MYO1B: variants seen among roughly 807,000 people sequenced by gnomAD.
MYO1B encodes the protein unconventional myosin-Ib.
MYO1B carries 72 observed loss-of-function variants against 159.7 expected under a neutral mutation model. The observed-to-expected ratio is 0.45, with a 90% CI of 0.37 to 0.55. The LOEUF is 0.55. MYO1B is among the 20% of genes least tolerant of loss of function. The pLI is 0.00. For synonymous variants in MYO1B, 468 were observed against 473.8 expected (o/e 0.99, Z 0.16); for missense variants, 1,062 against 1,364.8 (o/e 0.78, Z 3.50).
intron 13 of MYO1B, among the ~76,000 whole-genome samples, chr2:191,375,176 T>A (rs1192427362): frequency 6.6e-6 from 1 of 152,152 alleles, no homozygotes; most frequent in Non-Finnish European, 1.5e-5. Context: ...TAAACCTCAC[T>A]GAAAGTGACC....
chr2:191,338,654 C>CA (rs1692014146), intron 4 of MYO1B, among the ~76,000 whole-genome samples: 1 of 152,162 alleles, frequency 6.6e-6, no homozygotes, highest in Admixed American at 6.5e-5. Flanking sequence ...CCACCACCAC[C>CA]CTGCTAAAGC....
intron 2 of MYO1B, among the ~76,000 whole-genome samples, chr2:191,293,355 A>C (rs184212811): frequency 3.9e-5 from 6 of 152,346 alleles, no homozygotes; most frequent in African/African-American, 1.4e-4. Flanking sequence ...TTAAATGGTA[A>C]TGTTACCGGA....
At position 191,340,692 on chromosome 2, in the gene MYO1B, T is replaced by C. The variant is rs114537695; in HGVS notation, c.347-769T>C. Among the ~76,000 whole-genome samples the C allele has an allele frequency of 2.4e-3, 364 of 152,134 alleles. 1 individual carries two copies. Among genetic ancestry groups the C allele is most frequent in the Middle Eastern group, 0.01 (3 of 294 alleles). ...TGAATTAAGTTGAAGAATAATGAAT[T>C]TGGTCTAATTATGAGCAAACCAGTT... is the stretch of plus-strand genomic sequence containing the variant. On this transcript the variant is annotated intron_variant, in intron 4 of 30. Coordinates refer to ENST00000392318, the MANE Select transcript of MYO1B (RefSeq NM_001130158.3).
intron 1 of MYO1B, among the ~76,000 whole-genome samples, chr2:191,258,185 A>C (rs1686573533): frequency 1.3e-5 from 2 of 152,262 alleles, no homozygotes; most frequent in Non-Finnish European, 2.9e-5. Flanking sequence ...ATACAGGTAC[A>C]GCCAACACAA....
At chr2:191,410,048 C>A (rs1275872186) in intron 26 of MYO1B, among the ~76,000 whole-genome samples, 1 of 152,140 alleles carries the variant, frequency 6.6e-6, no homozygotes, top group Non-Finnish European at 1.5e-5. Flanking sequence ...TGGTACCATA[C>A]AACATAAGGA....
At chr2:191,339,556 T>C (rs114704437) in intron 4 of MYO1B, among the ~76,000 whole-genome samples, 438 of 152,294 alleles carry the variant, frequency 2.9e-3, no homozygotes, top group African/African-American at 9.8e-3. Context: ...TCAGTTACAG[T>C]CTTTAAAGGG....
chr2:191,315,020 A>C (rs1690252971), intron 3 of MYO1B, among the ~76,000 whole-genome samples: 1 of 152,162 alleles, frequency 6.6e-6, no homozygotes, highest in Non-Finnish European at 1.5e-5. Flanking sequence ...ATTTGGTAAG[A>C]GTTGCAAATG....
At chr2:191,344,304 CATGAG>C (rs1257814109) in intron 5 of MYO1B, among the ~76,000 whole-genome samples, 21 of 152,188 alleles carry the variant, frequency 1.4e-4, no homozygotes, top group African/African-American at 4.8e-4. Flanking sequence ...TGGTGGTGGA[CATGAG>C]ATAAGAATGG....
intron 5 of MYO1B, among the ~76,000 whole-genome samples, chr2:191,343,030 T>C (rs1218881968): frequency 6.6e-6 from 1 of 152,146 alleles, no homozygotes; most frequent in Non-Finnish European, 1.5e-5. Context: ...TGGAAGGGTG[T>C]CCTGTGCATT....
intron 1 of MYO1B, among the ~76,000 whole-genome samples, chr2:191,276,114 A>G (rs1382389852): frequency 6.6e-6 from 1 of 152,174 alleles, no homozygotes; most frequent in African/African-American, 2.4e-5. Context: ...CTGCTGTTAT[A>G]GTGGCATGTC....
chr2:191,420,915 G>T (rs548113269), intron 30 of MYO1B, among the ~76,000 whole-genome samples: 54 of 152,178 alleles, frequency 3.5e-4, no homozygotes, highest in Middle Eastern at 6.8e-3. Flanking sequence ...GTTGGAGGAG[G>T]ATTTTCTCTT....
chr2:191,405,061 CCT>C (rs1395881467), intron 24 of MYO1B, among the ~76,000 whole-genome samples: 1 of 152,058 alleles, frequency 6.6e-6, no homozygotes, highest in African/African-American at 2.4e-5. Flanking sequence ...TGAAATGAAT[CCT>C]CTCAAACCTT....
chr2:191,247,025 G>C (rs531073058), intron 1 of MYO1B, among the ~76,000 whole-genome samples: 4 of 152,326 alleles, frequency 2.6e-5, no homozygotes, highest in African/African-American at 7.2e-5. Context: ...AGGATTGGCT[G>C]ACCTAGGGAG....
At chr2:191,392,453 A>C (rs773436197) in intron 19 of MYO1B, among the ~76,000 whole-genome samples, 3 of 152,212 alleles carry the variant, frequency 2.0e-5, no homozygotes, top group Non-Finnish European at 4.4e-5. Flanking sequence ...ATCACAAAGA[A>C]ACTGTTAGGA....
chr2:191,302,701 T>A (rs146460302), intron 3 of MYO1B, among the ~76,000 whole-genome samples: 3 of 152,302 alleles, frequency 2.0e-5, no homozygotes, highest in African/African-American at 4.8e-5. Context: ...TAGGATATAA[T>A]GTGATGGCCA....
intron 29 of MYO1B, 141 bp from the exon 30 acceptor site, chr2:191,415,973 TG>T (rs1697538117): frequency 1.0e-6 from 1 of 985,938 alleles, no homozygotes; most frequent in African/African-American, 1.6e-5. Flanking sequence ...ACACTGCTTT[TG>T]TCATTATTGT....
At chr2:191,250,414 C>G (rs1385277478) in intron 1 of MYO1B, among the ~76,000 whole-genome samples, 2 of 152,302 alleles carry the variant, frequency 1.3e-5, no homozygotes, top group East Asian at 3.9e-4. Context: ...AGTGTCTTCC[C>G]TGGTGCATGG....
At chr2:191,331,074 T>G (rs1462510715) in intron 4 of MYO1B, among the ~76,000 whole-genome samples, 1 of 152,218 alleles carries the variant, frequency 6.6e-6, no homozygotes, top group African/African-American at 2.4e-5. Flanking sequence ...TCCACTTGCC[T>G]TAGGCGTAAC....
intron 3 of MYO1B, among the ~76,000 whole-genome samples, chr2:191,319,508 A>G (rs942562404): frequency 6.6e-6 from 1 of 152,168 alleles, no homozygotes; most frequent in Admixed American, 6.5e-5. Context: ...TCATGATGGA[A>G]CTTACTTGTT....
Sources: gnomAD v4.1 joint callset for allele counts (sites outside exome capture counted in the v4.1 genomes callset) on GRCh38, gnomAD v4.1.1 for gene constraint, MANE v1.5 for transcripts, NCBI Gene and HGNC (gene_info 2026-07-23, HGNC 2026-07-21) for gene names.